The following PABPC1L variants were observed in gnomAD, a reference collection of about 807,000 sequenced individuals.
PABPC1L encodes the protein poly(A) binding protein cytoplasmic 1 like, also known as polyadenylate-binding protein 1-like.
Under a neutral mutation model 66.6 loss-of-function variants are expected in PABPC1L, and 31 were observed. That is an observed-to-expected ratio of 0.47 (90% CI 0.35 to 0.63). The LOEUF (loss-of-function observed/expected upper bound fraction) is 0.63. Ranked by LOEUF, PABPC1L falls within the 20% of genes least tolerant of loss-of-function variation. PABPC1L has a pLI of 0.00. For missense variants in PABPC1L, 722 were observed against 848.8 expected (o/e 0.85, Z 1.86); for synonymous variants, 348 against 335.1 (o/e 1.04, Z -0.42).
chr20:44,912,986 G>A, intron 2 of PABPC1L, 133 bp downstream of exon 2: 1 of 735,822 alleles, frequency 1.4e-6, no homozygotes, highest in South Asian at 2.5e-5. Flanking sequence ...GCAAGCACCT[G>A]AATGACAGCC....
chr20:44,925,465 C>T (rs372493773), intron 7 of PABPC1L, among the ~76,000 whole-genome samples: 2 of 152,090 alleles, frequency 1.3e-5, no homozygotes, highest in South Asian at 2.1e-4. Flanking sequence ...GGGAAGGCTG[C>T]CTGGAAGAAG....
chr20:44,926,274 T>C (rs1012215187), intron 7 of PABPC1L, among the ~76,000 whole-genome samples: 29 of 152,182 alleles, frequency 1.9e-4, no homozygotes, highest in African/African-American at 6.8e-4. Flanking sequence ...TTGCCCAGGC[T>C]AGAGTGCAGT....
At chr20:44,935,936 C>A (rs748523426) in intron 11 of PABPC1L, among the ~76,000 whole-genome samples, 35 of 152,168 alleles carry the variant, frequency 2.3e-4, no homozygotes, top group Admixed American at 3.3e-4. Flanking sequence ...CTATTTCCTG[C>A]AAAATGAATG....
rs2066791911 is a variant in PABPC1L, at chr20:44,924,064, C to G, written c.877-97C>G. 7.2e-6 allele frequency: 7 copies of G among 978,712 alleles called. No individual in the cohort carries two copies. The East Asian group carries it at 1.7e-4, about 23-fold the overall frequency. 60.6% of individuals were successfully genotyped at this position (978,712 alleles called of 1,614,324 possible). A position where few individuals can be genotyped will look rare whatever the true frequency, so the allele number is the denominator to read the frequency against. On this transcript the variant is annotated intron_variant, in intron 6 of 14. Transcript: ENST00000217073. ...GCAGGAGGCTGGGCTGGTGGGGCTC[C>G]CCATGCCCCTTGTACCTGCGTCAGT...
At chr20:44,921,948 T>C (rs1192495419) in intron 6 of PABPC1L, among the ~76,000 whole-genome samples, 1 of 152,104 alleles carries the variant, frequency 6.6e-6, no homozygotes, top group East Asian at 1.9e-4. Context: ...TTAGTAGGGG[T>C]GCTGGGGACC....
At chr20:44,915,570 G>A (rs904480690) in intron 2 of PABPC1L, among the ~76,000 whole-genome samples, 1 of 152,130 alleles carries the variant, frequency 6.6e-6, no homozygotes, top group East Asian at 1.9e-4. Flanking sequence ...GGCCCAGGTG[G>A]GTGGATCACC....
chr20:44,928,918 A>G (rs1250114040), intron 7 of PABPC1L, among the ~76,000 whole-genome samples: 1 of 151,554 alleles, frequency 6.6e-6, no homozygotes. Flanking sequence ...AAGATTTTAA[A>G]AATAACTCTA....
At chr20:44,928,013 A>C (rs917389766) in intron 7 of PABPC1L, among the ~76,000 whole-genome samples, 6 of 86,228 alleles carry the variant, frequency 7.0e-5, no homozygotes, top group African/African-American at 2.1e-4. Flanking sequence ...AATCATACTG[A>C]AAAAATATAA....
rs994105384 is a variant in PABPC1L at position 44,939,183 on chromosome 20, C to T, written c.*64C>T. The T allele has an allele frequency of 1.4e-6, 1 of 718,080 alleles. No homozygotes were observed. The highest frequency in any genetic ancestry group is 1.7e-5 in the African/African-American group (1 of 57,408). 44.5% of individuals were successfully genotyped at this position (718,080 alleles called of 1,614,324 possible). ...AGGACAGTGTTTCTGGCTCTCAGCC[C>T]TAAGGCCCTGCAAACTCTAACTTAT... On this transcript the variant is annotated 3_prime_UTR_variant, in exon 15 of 15. Coordinates refer to ENST00000217073, the MANE Select transcript of PABPC1L (RefSeq NM_001372179.1).
intron 11 of PABPC1L, among the ~76,000 whole-genome samples, chr20:44,935,707 G>A (rs966903306): frequency 3.3e-5 from 5 of 152,188 alleles, no homozygotes; most frequent in Non-Finnish European, 7.4e-5. Context: ...TTTTGCTTCG[G>A]TTATTACCAA....
chr20:44,936,853 C>G, intron 12 of PABPC1L, 123 bp downstream of exon 12: 1 of 1,018,552 alleles, frequency 9.8e-7, no homozygotes, highest in Non-Finnish European at 1.5e-6. Context: ...TCACCGACCC[C>G]CCTACTGGGT....
chr20:44,910,261 A>G lies in PABPC1L; in HGVS notation c.118A>G (p.Ile40Val), dbSNP rs1272040005. 3 of 1,559,192 alleles carry G rather than the reference A, an allele frequency of 1.9e-6. No homozygotes were observed. The African/African-American group carries it at 4.1e-5, about 21-fold the overall frequency. The part of the protein sequence containing the change: ...KFSPAGPILS[I>V]RVCRDVATRR... Reference sequence around the variant, plus strand: ...CTCTCCCGCCGGCCCCATCCTGTCCATCCGCGTGTGCCGCGATGTAGCCAC... The same window carrying G: ...CTCTCCCGCCGGCCCCATCCTGTCCGTCCGCGTGTGCCGCGATGTAGCCAC... Residue 40 changes from isoleucine (I) to valine (V), a missense_variant, in exon 1 of 15, where the codon ATC becomes GTC. Physicochemically the swap from Ile to Val is conservative, Grantham distance 29. Around this residue, in one of 3 missense-constraint regions of PABPC1L, gnomAD observed 284 missense variants for 294.8 expected, o/e 0.96. Coordinates refer to ENST00000217073, the MANE Select transcript of PABPC1L (RefSeq NM_001372179.1).
At chr20:44,913,882 A>T (rs1261849582) in intron 2 of PABPC1L, among the ~76,000 whole-genome samples, 1 of 152,238 alleles carries the variant, frequency 6.6e-6, no homozygotes, top group Non-Finnish European at 1.5e-5. Context: ...TGTAAGTTCC[A>T]TCAGTGATCT....
intron 6 of PABPC1L, 94 bp downstream of exon 6, chr20:44,921,825 C>A: frequency 2.6e-6 from 4 of 1,559,232 alleles, no homozygotes; most frequent in Non-Finnish European, 3.5e-6. Context: ...AGTGATCCTA[C>A]TTCTGGGCAC....
intron 1 of PABPC1L, among the ~76,000 whole-genome samples, chr20:44,910,842 A>G (rs1255985434): frequency 3.3e-5 from 5 of 152,194 alleles, no homozygotes; most frequent in African/African-American, 1.2e-4. Flanking sequence ...CGTGAGATCC[A>G]CACTGGGCGC....
At chr20:44,924,025 G>C in intron 6 of PABPC1L, 136 bp from the exon 7 acceptor site, 1 of 707,548 alleles carries the variant, frequency 1.4e-6, no homozygotes, top group Admixed American at 2.2e-5. Context: ...CCTGGGTGCT[G>C]AGGGAGACGG....
chr20:44,927,567 T>A (rs892121450), intron 7 of PABPC1L, among the ~76,000 whole-genome samples: 37 of 152,216 alleles, frequency 2.4e-4, no homozygotes, highest in Middle Eastern at 3.4e-3. Flanking sequence ...CAGGCTGGTC[T>A]CGAACTTCTG....
chr20:44,920,676 C>T (rs2066766541), intron 5 of PABPC1L, among the ~76,000 whole-genome samples: 1 of 150,760 alleles, frequency 6.6e-6, no homozygotes, highest in African/African-American at 2.4e-5. Flanking sequence ...ACCATGTTGG[C>T]CAGGCTGGTA....
At chr20:44,935,309 G>A (rs2066892649) in intron 10 of PABPC1L, 82 bp from the exon 11 acceptor site, 5 of 955,762 alleles carry the variant, frequency 5.2e-6, no homozygotes, top group Non-Finnish European at 8.3e-6. Flanking sequence ...TTTCTGTTTT[G>A]GTGTTGTTTT....
Sources: allele counts gnomAD v4.1 joint callset (sites outside exome capture counted in the v4.1 genomes callset), GRCh38; gene constraint gnomAD v4.1.1; regional missense constraint gnomAD v4.1.1; transcripts MANE v1.5; gene names NCBI Gene and HGNC (gene_info 2026-07-23, HGNC 2026-07-21).